PAPOLA: variants seen among roughly 807,000 people sequenced by gnomAD.
PAPOLA encodes poly(A) polymerase alpha.
PAPOLA carries 15 observed loss-of-function variants against 100.6 expected under a neutral mutation model. The observed-to-expected ratio is 0.15, with a 90% CI of 0.10 to 0.23. The LOEUF (loss-of-function observed/expected upper bound fraction) is 0.23, where lower values mean the gene tolerates loss of function less well. PAPOLA is among the 10% of genes least tolerant of loss of function. PAPOLA has a pLI of 1.00. For synonymous variants in PAPOLA, 293 were observed against 300.0 expected (o/e 0.98, Z 0.24); for missense variants, 533 against 884.2 (o/e 0.60, Z 5.04).
intron 3 of PAPOLA, among the ~76,000 whole-genome samples, chr14:96,523,125 A>T (rs981246439): frequency 5.3e-5 from 8 of 150,680 alleles, no homozygotes; most frequent in African/African-American, 1.9e-4. Flanking sequence ...AGTTTCTGAT[A>T]GAAAATAAGA....
intron 10 of PAPOLA, chr14:96,535,306 T>C (rs1227286043): frequency 6.1e-6 from 6 of 984,696 alleles, no homozygotes; most frequent in African/African-American, 3.5e-5. Flanking sequence ...CATTTACTTT[T>C]AGAGGATGTG....
Position 96,532,406 on chromosome 14 carries a change from A to G in PAPOLA, c.683A>G (p.Lys228Arg). The G allele has an allele frequency of 6.2e-7, 1 of 1,612,850 alleles. No individual in the cohort carries two copies. The highest frequency in any genetic ancestry group is 8.5e-7 in the Non-Finnish European group (1 of 1,179,694). Residue 228 changes from lysine (K) to arginine (R), a missense_variant, in exon 8 of 22, where the codon AAA becomes AGA. Physicochemically the swap from Lys to Arg is conservative, Grantham distance 26. Coordinates refer to ENST00000216277, the MANE Select transcript of PAPOLA (RefSeq NM_032632.5). ...DNFRLTLRAI[K>R]LWAKRHNIYS... ...TTCAGGTTAACTCTGAGAGCTATCA[A>G]ACTATGGGCCAAACGTGAGTTCAGA...
intron 1 of PAPOLA, among the ~76,000 whole-genome samples, chr14:96,509,797 T>C (rs1214378065): frequency 6.6e-6 from 1 of 152,232 alleles, no homozygotes; most frequent in Non-Finnish European, 1.5e-5. Flanking sequence ...TATGCTGTTA[T>C]GGGACCACTG....
intron 19 of PAPOLA, among the ~76,000 whole-genome samples, chr14:96,559,577 C>CTT (rs1266017605): frequency 9.0e-6 from 1 of 110,710 alleles, no homozygotes; most frequent in South Asian, 3.3e-4. Flanking sequence ...CTCTCTCTCT[C>CTT]TCTCTATATA....
intron 19 of PAPOLA, among the ~76,000 whole-genome samples, chr14:96,556,689 G>T (rs1299559346): frequency 1.3e-5 from 2 of 152,144 alleles, no homozygotes; most frequent in Non-Finnish European, 2.9e-5. Flanking sequence ...AATTTAACAT[G>T]AAATTACATG....
In PAPOLA at chr14:96,531,495, A is replaced by G. The variant is rs765140543; in HGVS notation, c.516A>G (p.Arg172=). ...TTCAGATTGATATTTTGTTTGCAAG[A>G]TTAGCACTGCAGACAATTCCTGAAG... ...DGIEIDILFA[R]LALQTIPEDL... Residue 172 remains arginine (R), a synonymous_variant, in exon 7 of 22, where the codon AGA becomes AGG. Transcript: ENST00000216277. The G allele has an allele frequency of 5.1e-5, 82 of 1,609,156 alleles. No homozygotes were observed. The highest frequency in any genetic ancestry group is 6.5e-5 in the Non-Finnish European group (76 of 1,176,944).
intron 9 of PAPOLA, chr14:96,532,972 T>G: frequency 9.7e-7 from 1 of 1,029,214 alleles, no homozygotes; most frequent in Non-Finnish European, 1.2e-6. Flanking sequence ...ATAAAACTTG[T>G]ACACACTACC....
intron 16 of PAPOLA, among the ~76,000 whole-genome samples, chr14:96,550,006 G>C (rs1900712116): frequency 6.6e-6 from 1 of 152,152 alleles, no homozygotes; most frequent in Non-Finnish European, 1.5e-5. Flanking sequence ...ATTTTTTTGA[G>C]AATGGTGGCC....
chr14:96,543,014 A>G, intron 14 of PAPOLA, 121 bp downstream of exon 14: 4 of 971,300 alleles, frequency 4.1e-6, no homozygotes, highest in Non-Finnish European at 6.1e-6. Flanking sequence ...CTTATAGACA[A>G]TTTAGAACTT....
chr14:96,531,141 A>G (rs996089960), intron 6 of PAPOLA, among the ~76,000 whole-genome samples: 3 of 151,906 alleles, frequency 2.0e-5, no homozygotes, highest in Admixed American at 6.6e-5. Context: ...AACTGGGACT[A>G]CAGGTGCCCA....
chr14:96,530,910 G>T (rs1024082286), intron 6 of PAPOLA, among the ~76,000 whole-genome samples: 5 of 151,764 alleles, frequency 3.3e-5, no homozygotes, highest in African/African-American at 4.8e-5. Flanking sequence ...CGCCTTCCAG[G>T]CTCAAATGAT....
chr14:96,521,155 T>A (rs1369844126), intron 3 of PAPOLA, 83 bp downstream of exon 3: 2 of 736,562 alleles, frequency 2.7e-6, no homozygotes, highest in Non-Finnish European at 4.9e-6. Flanking sequence ...CTGTTCTTAT[T>A]TGAGTGGATT....
chr14:96,511,800 G>A (rs1035368322), intron 1 of PAPOLA, among the ~76,000 whole-genome samples: 5 of 152,180 alleles, frequency 3.3e-5, no homozygotes, highest in African/African-American at 1.2e-4. Flanking sequence ...AGTGCTTTTA[G>A]GAAAATTGAG....
At chr14:96,509,399 A>G (rs1379395967) in intron 1 of PAPOLA, among the ~76,000 whole-genome samples, 1 of 152,362 alleles carries the variant, frequency 6.6e-6, no homozygotes, top group Non-Finnish European at 1.5e-5. Context: ...TGTGTATAAC[A>G]TGTAAATCTC....
Position 96,562,917 on chromosome 14 carries a change from G to T in PAPOLA, c.2142+24G>T, listed in dbSNP as rs781057500. ...AGGTACTAAGTGCAAAAAGCAAGGA[G>T]AATTTTGTAAATGTCCTTAAGATTA... is the stretch of plus-strand genomic sequence containing the variant. On this transcript the variant is annotated intron_variant, in intron 21 of 21. Coordinates refer to ENST00000216277, the MANE Select transcript of PAPOLA (RefSeq NM_032632.5). The T allele has an allele frequency of 3.5e-6, 5 of 1,444,796 alleles. No individual in the cohort carries two copies. The African/African-American group carries it at 4.2e-5, about 12-fold the overall frequency. 89.5% of individuals were successfully genotyped at this position (1,444,796 alleles called of 1,614,324 possible).
Position 96,525,337 on chromosome 14 carries a change from G to A in PAPOLA, c.277G>A (p.Val93Ile). Reference protein sequence around the residue: ...KNLPQSVIENVGGKIFTFGSY... With the variant: ...KNLPQSVIENIGGKIFTFGSY... ...TCTTCCACAATCTGTAATTGAAAAT[G>A]TTGGAGGAAAAATTTTTACATTTGG... The change falls in exon 4 of 22, where the codon GTT becomes ATT. Residue 93 changes from valine (V) to isoleucine (I), a missense_variant. Around this residue, in one of 9 missense-constraint regions of PAPOLA, gnomAD observed 54 missense variants for 133.2 expected, o/e 0.41. Transcript: ENST00000216277. 4 of 1,523,864 alleles carry A rather than the reference G, an allele frequency of 2.6e-6. No individual in the cohort carries two copies. The highest frequency in any genetic ancestry group is 1.7e-4 in the Middle Eastern group (1 of 5,886). The allele number at this position is 1,523,864 out of a possible 1,614,324, so 94.4% of individuals were successfully genotyped here.
chr14:96,502,731 C>T (rs941660846), intron 1 of PAPOLA, 131 bp downstream of exon 1: 3 of 967,048 alleles, frequency 3.1e-6, no homozygotes, highest in Admixed American at 3.4e-5. Context: ...GCAGGCAGGA[C>T]TGGGGACCTT....
chr14:96,547,407 C>T (rs932045241), intron 15 of PAPOLA, among the ~76,000 whole-genome samples: 41 of 152,154 alleles, frequency 2.7e-4, no homozygotes, highest in African/African-American at 9.2e-4. Flanking sequence ...ATAAGTTTGA[C>T]TTATTTTACA....
chr14:96,513,105 T>C (rs1426787927), intron 1 of PAPOLA, among the ~76,000 whole-genome samples: 1 of 152,228 alleles, frequency 6.6e-6, no homozygotes, highest in African/African-American at 2.4e-5. Flanking sequence ...CGCTTGTTGC[T>C]CAGGCTGGAC....
Sources: gnomAD v4.1 joint callset for allele counts (sites outside exome capture counted in the v4.1 genomes callset) on GRCh38, gnomAD v4.1.1 for gene constraint, gnomAD v4.1.1 regional missense constraint, MANE v1.5 for transcripts, NCBI Gene and HGNC (gene_info 2026-07-23, HGNC 2026-07-21) for gene names.